TRHDE: variants seen among roughly 807,000 people sequenced by gnomAD.
TRHDE encodes the protein thyrotropin-releasing hormone-degrading ectoenzyme.
A neutral mutation model predicts 125.7 loss-of-function variants in TRHDE; 72 were observed. That is an observed-to-expected ratio of 0.57 (90% CI 0.47 to 0.70). The LOEUF is 0.70. Among genes scored for constraint, TRHDE ranks in the 30% least tolerant of loss-of-function variants. TRHDE has a pLI of 0.00. For missense variants in TRHDE, 1,110 were observed against 1,327.1 expected (o/e 0.84, Z 2.54); for synonymous variants, 509 against 509.1 (o/e 1.00, Z 0.00).
At chr12:72,477,101 G>A (rs969887034) in intron 5 of TRHDE, among the ~76,000 whole-genome samples, 1 of 152,090 alleles carries the variant, frequency 6.6e-6, no homozygotes, top group Non-Finnish European at 1.5e-5. Context: ...GAAAATGGGA[G>A]AATTATACTG....
upstream of TRHDE, among the ~76,000 whole-genome samples, chr12:72,269,167 T>C (rs529583935): frequency 1.3e-5 from 2 of 152,130 alleles, no homozygotes; most frequent in Non-Finnish European, 2.9e-5. Context: ...GAAAAAATAA[T>C]ATTTAAAAAT....
intron 4 of TRHDE, among the ~76,000 whole-genome samples, chr12:72,471,174 A>T (rs1165316074): frequency 6.6e-6 from 1 of 151,982 alleles, no homozygotes; most frequent in Non-Finnish European, 1.5e-5. Flanking sequence ...CACCGTGCCC[A>T]GCCCCTAAAT....
intron 2 of TRHDE, 129 bp from the exon 3 acceptor site, chr12:72,377,866 A>T: frequency 1.7e-6 from 1 of 582,492 alleles, no homozygotes. Flanking sequence ...GCTTTGATAT[A>T]GTGTATGAAC....
At chr12:72,578,146 T>G (rs1871082694) in intron 12 of TRHDE, among the ~76,000 whole-genome samples, 1 of 152,204 alleles carries the variant, frequency 6.6e-6, no homozygotes, top group Non-Finnish European at 1.5e-5. Flanking sequence ...TAGCAAATAT[T>G]TATTAAATAC....
At chr12:72,341,583 A>C (rs10879404) in intron 2 of TRHDE, among the ~76,000 whole-genome samples, 18,864 of 152,116 alleles carry the variant, frequency 0.12, 1,749 homozygotes, top group East Asian at 0.47. Flanking sequence ...TGTTGTTATC[A>C]GATGTTTGCT....
At chr12:72,096,134 T>TACACACACACATAC (rs1555218844) in intron 1 of TRHDE, among the ~76,000 whole-genome samples, 1 of 145,100 alleles carries the variant, frequency 6.9e-6, no homozygotes, top group Non-Finnish European at 1.5e-5. Flanking sequence ...CTTATGTGTA[T>TACACACACACATAC]ACACACACAC....
chr12:72,180,005 A>G (rs544370666), intron 2 of TRHDE, among the ~76,000 whole-genome samples: 2 of 151,940 alleles, frequency 1.3e-5, no homozygotes, highest in East Asian at 3.9e-4. Context: ...CTATCTAATA[A>G]ATAATTACTA....
rs1218263415 is a variant in TRHDE, at chr12:72,410,401, G to A, written c.1315+32280G>A. ...GAACATTTCCCAATTTATTTTATGA[G>A]GCCAGCATAACTTTAATATCAGAAC... On this transcript the variant is annotated intron_variant, in intron 3 of 18. Coordinates refer to ENST00000261180, the MANE Select transcript of TRHDE (RefSeq NM_013381.3). 3.3e-5 allele frequency among the ~76,000 whole-genome samples: 5 copies of A among 151,984 alleles called. No individual in the cohort carries two copies. In the East Asian group the frequency reaches 9.7e-4, roughly 29 times the overall value.
chr12:72,377,361 A>T (rs1264671103), intron 2 of TRHDE, among the ~76,000 whole-genome samples: 1 of 151,520 alleles, frequency 6.6e-6, no homozygotes, highest in Non-Finnish European at 1.5e-5. Context: ...TTAAAAATCA[A>T]TATTAAGTAT....
intron 2 of TRHDE, among the ~76,000 whole-genome samples, chr12:72,366,162 A>C (rs563625645): frequency 1.3e-5 from 2 of 152,176 alleles, no homozygotes; most frequent in Admixed American, 1.3e-4. Context: ...TAATCTCTTA[A>C]TTTAATCACA....
intron 2 of TRHDE, among the ~76,000 whole-genome samples, chr12:72,341,415 C>T (rs975856728): frequency 4.6e-5 from 7 of 151,916 alleles, no homozygotes; most frequent in African/African-American, 1.7e-4. Flanking sequence ...TGGTTTCCAG[C>T]TTCAGTTTTG....
At chr12:72,470,287 C>G (rs1438568404) in intron 4 of TRHDE, among the ~76,000 whole-genome samples, 1 of 152,190 alleles carries the variant, frequency 6.6e-6, no homozygotes, top group Non-Finnish European at 1.5e-5. Context: ...CAAGATGCAG[C>G]TGAGTTTTGT....
intron 3 of TRHDE, among the ~76,000 whole-genome samples, chr12:72,426,102 T>C (rs1874174017): frequency 6.6e-6 from 1 of 152,092 alleles, no homozygotes. Flanking sequence ...GTGACAATAG[T>C]ATGTATAACC....
In TRHDE at chr12:72,323,676, G is replaced by A. The variant is rs118120626; in HGVS notation, c.1188+36722G>A. On this transcript the variant is annotated intron_variant, in intron 2 of 18. Transcript: ENST00000261180. ...GAAGGCTTGGTGCCAAAATGTGAACGGAGCCTATCCAATTTCCTCTTAGCA... is the reference window on the plus strand; with the variant it reads ...GAAGGCTTGGTGCCAAAATGTGAACAGAGCCTATCCAATTTCCTCTTAGCA... Among the ~76,000 whole-genome samples the A allele has an allele frequency of 3.3e-3, 502 of 152,182 alleles. 4 individuals are homozygous for A. The highest frequency in any genetic ancestry group is 4.9e-3 in the Non-Finnish European group (334 of 67,996).
chr12:72,460,309 T>C (rs1237428558), intron 3 of TRHDE, among the ~76,000 whole-genome samples: 1 of 152,196 alleles, frequency 6.6e-6, no homozygotes, highest in Non-Finnish European at 1.5e-5. Context: ...GGATCAGTAA[T>C]GTGCTGGGGC....
chr12:72,437,132 A>T (rs11829737), intron 3 of TRHDE, among the ~76,000 whole-genome samples: 6,082 of 151,918 alleles, frequency 0.04, 450 homozygotes, highest in African/African-American at 0.14. Context: ...CAAGTTTATT[A>T]ATTTCTCTGT....
At chr12:72,535,919 G>T (rs1565781907) in intron 6 of TRHDE, among the ~76,000 whole-genome samples, 1 of 152,076 alleles carries the variant, frequency 6.6e-6, no homozygotes, top group Non-Finnish European at 1.5e-5. Context: ...AAAGTAAAAA[G>T]AAATTCTTAC....
rs986403526 is a variant in TRHDE, at chr12:72,666,734, G to T, written c.*3539G>T. 3 of 151,908 alleles carry T rather than the reference G, an allele frequency of 2.0e-5. No homozygotes were observed. Among genetic ancestry groups the T allele is most frequent in the Admixed American group, 2.0e-4 (3 of 15,236 alleles). The allele number at this position is 151,908 out of a possible 1,614,324, so 9.4% of individuals were successfully genotyped here. On this transcript the variant is annotated 3_prime_UTR_variant, in exon 19 of 19. Transcript: ENST00000261180. ...TCAAAATACACAGTTAAATATATTT[G>T]CAATAATTCCATTGTTTGTTAACTT... is the stretch of plus-strand genomic sequence containing the variant.
intron 5 of TRHDE, 105 bp from the exon 6 acceptor site, chr12:72,499,393 C>T: frequency 7.2e-7 from 1 of 1,396,654 alleles, no homozygotes; most frequent in Non-Finnish European, 9.7e-7. Flanking sequence ...CCTTGGAAGA[C>T]TGATGAACAT....
Sources: allele counts gnomAD v4.1 joint callset (sites outside exome capture counted in the v4.1 genomes callset), GRCh38; gene constraint gnomAD v4.1.1; transcripts MANE v1.5; gene names NCBI Gene and HGNC (gene_info 2026-07-23, HGNC 2026-07-21).